The following TANC2 variants were observed in gnomAD, a reference collection of about 807,000 sequenced individuals.
TANC2 encodes protein TANC2.
A neutral mutation model predicts 210.5 loss-of-function variants in TANC2; 26 were observed. That is an observed-to-expected ratio of 0.12 (90% CI 0.09 to 0.17). The LOEUF (loss-of-function observed/expected upper bound fraction) is 0.17. Among genes scored for constraint, TANC2 ranks in the 10% least tolerant of loss-of-function variants. The pLI, the probability that TANC2 is intolerant of heterozygous loss-of-function variation, is 1.00. For synonymous variants in TANC2, 931 were observed against 967.1 expected (o/e 0.96, Z 0.69); for missense variants, 2,129 against 2,608.9 (o/e 0.82, Z 4.01).
At chr17:63,113,410 G>GAATTGTAAATTAA (rs1284118146) in intron 4 of TANC2, among the ~76,000 whole-genome samples, 1 of 152,142 alleles carries the variant, frequency 6.6e-6, no homozygotes, top group Admixed American at 6.5e-5. Flanking sequence ...CAGTTCAGCT[G>GAATTGTAAATTAA]GCCTTTCTTA....
chr17:63,200,669 A>T, intron 6 of TANC2, 102 bp from the exon 7 acceptor site: 1 of 998,156 alleles, frequency 1.0e-6, no homozygotes, highest in Non-Finnish European at 1.5e-6. Context: ...TGTAAAAGCT[A>T]TGCATGTAGT....
chr17:63,347,041 T>G (rs774913983), intron 12 of TANC2, among the ~76,000 whole-genome samples: 1 of 152,228 alleles, frequency 6.6e-6, no homozygotes, highest in Non-Finnish European at 1.5e-5. Flanking sequence ...ACATCTACTT[T>G]ATGACCAAGC....
chr17:63,033,009 T>G (rs1322218093), intron 2 of TANC2, among the ~76,000 whole-genome samples: 1 of 152,124 alleles, frequency 6.6e-6, no homozygotes, highest in Non-Finnish European at 1.5e-5. Context: ...GGAAGACACT[T>G]AACATTTGCC....
At chr17:63,406,369 G>A in intron 21 of TANC2, 92 bp downstream of exon 21, 1 of 1,549,438 alleles carries the variant, frequency 6.5e-7, no homozygotes, top group Non-Finnish European at 8.8e-7. Context: ...GAGATGCTAA[G>A]AACAGATATT....
intron 15 of TANC2, among the ~76,000 whole-genome samples, chr17:63,382,168 AAGCTATGT>A (rs2047634214): frequency 6.6e-6 from 1 of 152,142 alleles, no homozygotes; most frequent in African/African-American, 2.4e-5. Flanking sequence ...TCCAAATCCA[AAGCTATGT>A]ATTTCAGGCG....
chr17:63,067,002 A>G (rs2036222402), intron 2 of TANC2, among the ~76,000 whole-genome samples: 1 of 152,190 alleles, frequency 6.6e-6, no homozygotes, highest in African/African-American at 2.4e-5. Context: ...TGGACTTTAG[A>G]ACTGACCTAA....
intron 11 of TANC2, among the ~76,000 whole-genome samples, chr17:63,337,587 G>A (rs2046076240): frequency 6.6e-6 from 1 of 150,556 alleles, no homozygotes; most frequent in Non-Finnish European, 1.5e-5. Flanking sequence ...GGTGAAAGTG[G>A]GCATCTTTGG....
chr17:63,284,940 T>C (rs2044175809), intron 9 of TANC2, among the ~76,000 whole-genome samples: 1 of 152,170 alleles, frequency 6.6e-6, no homozygotes, highest in African/African-American at 2.4e-5. Flanking sequence ...GACTGTTATG[T>C]ATTCTTGATG....
chr17:63,073,806 C>T, intron 2 of TANC2, 137 bp from the exon 3 acceptor site: 1 of 841,916 alleles, frequency 1.2e-6, no homozygotes, highest in East Asian at 3.0e-5. Context: ...GAAAAATCCT[C>T]AAATATTTTA....
At chr17:62,968,580 G>A (rs564439989) in intron 1 of TANC2, 2 of 152,278 alleles carry the variant, frequency 1.3e-5, no homozygotes, top group African/African-American at 4.8e-5. Context: ...TTCCTGTTTT[G>A]TTCTGACTGT....
At chr17:63,039,946 A>G (rs1282384061) in intron 2 of TANC2, among the ~76,000 whole-genome samples, 1 of 152,128 alleles carries the variant, frequency 6.6e-6, no homozygotes, top group Non-Finnish European at 1.5e-5. Flanking sequence ...GGTTATATCT[A>G]TTAATACTGG....
chr17:63,384,487 G>A (rs969729241), intron 15 of TANC2, among the ~76,000 whole-genome samples: 3 of 151,658 alleles, frequency 2.0e-5, no homozygotes, highest in African/African-American at 4.8e-5. Context: ...TATATATTTG[G>A]GGTTAAGAGT....
At chr17:63,117,327 G>A (rs1370434966) in intron 4 of TANC2, 2 of 152,136 alleles carry the variant, frequency 1.3e-5, no homozygotes, top group African/African-American at 2.4e-5. Flanking sequence ...GAAAAATTGT[G>A]TAAAAATATT....
At chr17:63,043,330 A>G (rs1347008159) in intron 2 of TANC2, among the ~76,000 whole-genome samples, 1 of 152,102 alleles carries the variant, frequency 6.6e-6, no homozygotes, top group East Asian at 1.9e-4. Context: ...ATAATCACAA[A>G]CATGTTTGAT....
At chr17:63,355,506 A>G in intron 14 of TANC2, 116 bp downstream of exon 14, 1 of 1,157,330 alleles carries the variant, frequency 8.6e-7, no homozygotes, top group Non-Finnish European at 1.2e-6. Flanking sequence ...AAGAGACATC[A>G]TCTGTGTTTC....
chr17:62,971,700 A>G (rs116475035), intron 1 of TANC2, among the ~76,000 whole-genome samples: 111 of 152,286 alleles, frequency 7.3e-4, no homozygotes, highest in African/African-American at 2.6e-3. Flanking sequence ...ACCAGGGTGC[A>G]CAGCAGGAGG....
intron 2 of TANC2, among the ~76,000 whole-genome samples, chr17:63,020,145 C>G (rs1055329257): frequency 6.6e-6 from 1 of 152,194 alleles, no homozygotes; most frequent in Non-Finnish European, 1.5e-5. Context: ...CCAGGCTCGT[C>G]TTGAACTCCT....
At chr17:63,417,437 G>C (rs1035496499) in intron 26 of TANC2, among the ~76,000 whole-genome samples, 39 of 152,160 alleles carry the variant, frequency 2.6e-4, no homozygotes, top group African/African-American at 9.4e-4. Context: ...CCACCCCCCA[G>C]TCTCTGTTTC....
intron 8 of TANC2, among the ~76,000 whole-genome samples, chr17:63,246,307 A>T (rs1164590494): frequency 6.7e-6 from 1 of 149,906 alleles, no homozygotes; most frequent in Non-Finnish European, 1.5e-5. Flanking sequence ...AAATTTTTTT[A>T]AAAACAAGTA....
Sources: gnomAD v4.1 joint callset for allele counts (sites outside exome capture counted in the v4.1 genomes callset) on GRCh38, gnomAD v4.1.1 for gene constraint, MANE v1.5 for transcripts, NCBI Gene and HGNC (gene_info 2026-07-23, HGNC 2026-07-21) for gene names.